VPS53: variants seen among roughly 807,000 people sequenced by gnomAD.
The protein encoded by VPS53 is VPS53 subunit of GARP complex, also known as vacuolar protein sorting-associated protein 53 homolog.
Under a neutral mutation model 107.0 loss-of-function variants are expected in VPS53, and 70 were observed. That is an observed-to-expected ratio of 0.65 (90% CI 0.54 to 0.80). The LOEUF (loss-of-function observed/expected upper bound fraction) is 0.80. VPS53 is among the 30% of genes least tolerant of loss of function. VPS53 has a pLI of 0.00. For missense variants in VPS53, 917 were observed against 1,049.4 expected, an observed-to-expected ratio of 0.87 and a Z score of 1.74; for synonymous variants, 409 against 393.3, an observed-to-expected ratio of 1.04 and a Z score of -0.47.
chr17:549,667 A>G (rs1020633111), intron 17 of VPS53, among the ~76,000 whole-genome samples: 3 of 152,260 alleles, frequency 2.0e-5, no homozygotes, highest in Middle Eastern at 3.4e-3. Context: ...GTGGCAGTTC[A>G]GGAGAGATGG....
At chr17:574,562 C>T (rs1164588504) in intron 13 of VPS53, among the ~76,000 whole-genome samples, 1 of 151,972 alleles carries the variant, frequency 6.6e-6, no homozygotes. Context: ...CCCAGGAGTT[C>T]GAGACCAGCC....
chr17:594,272 C>G (rs954040613), intron 12 of VPS53, among the ~76,000 whole-genome samples: 1 of 152,210 alleles, frequency 6.6e-6, no homozygotes, highest in African/African-American at 2.4e-5. Flanking sequence ...ACATATGTAA[C>G]TAACCTGCAC....
intron 1 of VPS53, among the ~76,000 whole-genome samples, chr17:712,816 A>G (rs1293253406): frequency 6.6e-6 from 1 of 152,164 alleles, no homozygotes; most frequent in Admixed American, 6.5e-5. Context: ...AAATAGCAAA[A>G]ATGTGCTTTT....
intron 5 of VPS53, among the ~76,000 whole-genome samples, chr17:660,963 G>C (rs1179643045): frequency 6.6e-6 from 1 of 152,028 alleles, no homozygotes; most frequent in African/African-American, 2.4e-5. Flanking sequence ...CTGGATTCTC[G>C]GTCTTCGGGG....
chr17:589,965 G>C (rs907921623), intron 12 of VPS53, among the ~76,000 whole-genome samples: 7 of 151,936 alleles, frequency 4.6e-5, no homozygotes, highest in South Asian at 2.1e-4. Flanking sequence ...AATTACCTTG[G>C]GCAGTATGGC....
In VPS53 at chr17:516,787, C is replaced by T. The variant is rs974794508; in HGVS notation, c.*2341G>A. 9 of 152,264 alleles carry T rather than the reference C, an allele frequency of 5.9e-5. No individual in the cohort carries two copies. Among genetic ancestry groups the T allele is most frequent in the African/African-American group, 2.2e-4 (9 of 41,470 alleles). 9.4% of individuals were successfully genotyped at this position (152,264 alleles called of 1,614,324 possible). On this transcript the variant is annotated 3_prime_UTR_variant, in exon 22 of 22. Transcript: ENST00000437048. ...TTTAACAGAAACTCCTACTGACATCCATTGGTTCCTTGGGGATTACTGACA... is the reference window on the plus strand; with the variant it reads ...TTTAACAGAAACTCCTACTGACATCTATTGGTTCCTTGGGGATTACTGACA...
chr17:680,289 G>A (rs1597480044), intron 4 of VPS53, among the ~76,000 whole-genome samples: 1 of 152,078 alleles, frequency 6.6e-6, no homozygotes, highest in Admixed American at 6.6e-5. Flanking sequence ...GCGAGATTCC[G>A]TCTCAAAATA....
At position 519,403 on chromosome 17, in the gene VPS53, G is replaced by T; in HGVS notation, c.2329-105C>A. The T allele has an allele frequency of 8.6e-7, 1 of 1,161,264 alleles. No homozygotes were observed. Among genetic ancestry groups the T allele is most frequent in the Non-Finnish European group, 1.2e-6 (1 of 861,478 alleles). The allele number at this position is 1,161,264 out of a possible 1,614,324, so 71.9% of individuals were successfully genotyped here. A position where few individuals can be genotyped will look rare whatever the true frequency, so the allele number is the denominator to read the frequency against. On this transcript the variant is annotated intron_variant, in intron 21 of 21. Coordinates refer to ENST00000437048, the MANE Select transcript of VPS53 (RefSeq NM_001128159.3). This position sits in a 1 kb window ranked among gnomAD's most constrained non-coding sequence, Gnocchi z 5.0. Reference sequence around the variant, plus strand: ...GGGGTCAGCAGAGGCTCTGGAGACAGCATAGTTACTCCAGGCTGAGGATGA... The same window carrying T: ...GGGGTCAGCAGAGGCTCTGGAGACATCATAGTTACTCCAGGCTGAGGATGA...
Position 519,342 on chromosome 17 carries a change from G to A in VPS53, c.2329-44C>T, listed in dbSNP as rs1233489781. The A allele has an allele frequency of 1.4e-6, 2 of 1,443,076 alleles. No individual in the cohort carries two copies. Among genetic ancestry groups the A allele is most frequent in the South Asian group, 3.0e-5 (2 of 67,136 alleles). 89.4% of individuals were successfully genotyped at this position (1,443,076 alleles called of 1,614,324 possible). On this transcript the variant is annotated intron_variant, in intron 21 of 21. Coordinates refer to ENST00000437048, the MANE Select transcript of VPS53 (RefSeq NM_001128159.3). This position sits in a 1 kb window ranked among gnomAD's most constrained non-coding sequence, Gnocchi z 5.0. ...CAGAACCGTCACGAAGTCTGGGCCA[G>A]AATGGCCCACGGGGGACAGCGCAGT...
intron 4 of VPS53, among the ~76,000 whole-genome samples, chr17:690,566 G>C (rs1307451418): frequency 6.6e-6 from 1 of 152,214 alleles, no homozygotes. Context: ...ACACACACCA[G>C]CCTGCTTACG....
chr17:598,618 G>T (rs973070176), intron 12 of VPS53, among the ~76,000 whole-genome samples: 1 of 144,628 alleles, frequency 6.9e-6, no homozygotes, highest in South Asian at 2.2e-4. Flanking sequence ...CTGCCGCCCC[G>T]TCTGGGATGT....
chr17:549,300 G>C (rs1201665747), intron 17 of VPS53, among the ~76,000 whole-genome samples: 1 of 152,186 alleles, frequency 6.6e-6, no homozygotes, highest in Non-Finnish European at 1.5e-5. Context: ...GTGACCACTT[G>C]GCTTGTTTAT....
intron 2 of VPS53, among the ~76,000 whole-genome samples, chr17:707,057 C>G (rs1320763795): frequency 6.6e-6 from 1 of 152,202 alleles, no homozygotes; most frequent in Non-Finnish European, 1.5e-5. Flanking sequence ...TGCGAACGTC[C>G]CCACGGGGTC....
chr17:643,568 GAAACCGAGGA>G, intron 7 of VPS53, among the ~76,000 whole-genome samples: 1 of 140,818 alleles, frequency 7.1e-6, no homozygotes, highest in Admixed American at 7.1e-5. Context: ...CTCATACTTG[GAAACCGAGGA>G]CAACACTCAT....
At chr17:696,263 G>A (rs1053791210) in intron 4 of VPS53, among the ~76,000 whole-genome samples, 3 of 152,164 alleles carry the variant, frequency 2.0e-5, no homozygotes, top group African/African-American at 7.2e-5. Context: ...AGTAAAAATA[G>A]ACAGATGGGA....
In VPS53 at chr17:611,586, A is replaced by G. The variant is rs1411315897; in HGVS notation, c.1117-9690T>C. 2.0e-5 allele frequency among the ~76,000 whole-genome samples: 3 copies of G among 152,264 alleles called. No individual in the cohort carries two copies. The East Asian group carries it at 5.8e-4, about 29-fold the overall frequency. On this transcript the variant is annotated intron_variant, in intron 11 of 21. Transcript: ENST00000437048. Reference sequence around the variant, plus strand: ...TGACCCAGCAATTCCACTCAGGTATATTCTCACAAGAATAGGAAACACGCT... The same window carrying G: ...TGACCCAGCAATTCCACTCAGGTATGTTCTCACAAGAATAGGAAACACGCT...
intron 19 of VPS53, chr17:523,469 T>G (rs931876017): frequency 6.6e-6 from 1 of 152,272 alleles, no homozygotes; most frequent in Non-Finnish European, 1.5e-5. Flanking sequence ...TGCGACACTT[T>G]GCATCCTCCA....
chr17:536,410 C>CA (rs1171867351), intron 18 of VPS53: 1 of 152,158 alleles, frequency 6.6e-6, no homozygotes, highest in Non-Finnish European at 1.5e-5. Flanking sequence ...GTCAGAGAAA[C>CA]AAAATGCATA....
At chr17:657,321 C>T in intron 5 of VPS53, 1 of 760,438 alleles carries the variant, frequency 1.3e-6, no homozygotes, top group Non-Finnish European at 2.3e-6. Flanking sequence ...ATCCATGAAC[C>T]CAGCAGGGTA....
Sources: gnomAD v4.1 joint callset for allele counts (sites outside exome capture counted in the v4.1 genomes callset) on GRCh38, gnomAD v4.1.1 for gene constraint, Gnocchi (gnomAD v3.1) non-coding constraint, MANE v1.5 for transcripts, NCBI Gene and HGNC (gene_info 2026-07-23, HGNC 2026-07-21) for gene names.